ELFN2: variants seen among roughly 807,000 people sequenced by gnomAD.
The protein encoded by ELFN2 is extracellular leucine rich repeat and fibronectin type III domain containing 2.
ELFN2 carries 17 observed loss-of-function variants against 45.5 expected under a neutral mutation model. That is an observed-to-expected ratio of 0.37 (90% CI 0.26 to 0.56). The LOEUF (loss-of-function observed/expected upper bound fraction) is 0.56. ELFN2 is among the 20% of genes least tolerant of loss of function. ELFN2 has a pLI of 0.77. For missense variants in ELFN2, 922 were observed against 1,183.2 expected, an observed-to-expected ratio of 0.78 and a Z score of 3.24; for synonymous variants, 550 against 551.5, an observed-to-expected ratio of 1.00 and a Z score of 0.04.
intron 1 of ELFN2, among the ~76,000 whole-genome samples, chr22:37,424,118 C>T (rs541450297): frequency 3.3e-5 from 5 of 152,110 alleles, no homozygotes; most frequent in East Asian, 3.8e-4. Flanking sequence ...GTGGGGGCAC[C>T]GAGAGAGGAG....
At chr22:37,364,962 C>T (rs930505789), downstream of ELFN2, among the ~76,000 whole-genome samples, 1 of 152,216 alleles carries the variant, frequency 6.6e-6, no homozygotes, top group East Asian at 1.9e-4. Context: ...TGCTTCCGGG[C>T]TGTGACAAAA....
At chr22:37,379,458 G>A (rs1931686698) in intron 2 of ELFN2, among the ~76,000 whole-genome samples, 1 of 152,158 alleles carries the variant, frequency 6.6e-6, no homozygotes, top group Non-Finnish European at 1.5e-5. Flanking sequence ...AAAGAGCAGG[G>A]CTCCCGTGCC....
At position 37,375,083 on chromosome 22, in the gene ELFN2, G is replaced by C. The variant is rs1253813389; in HGVS notation, c.452C>G (p.Pro151Arg). 2 of 1,613,424 alleles carry C rather than the reference G, an allele frequency of 1.2e-6. No homozygotes were observed. The highest frequency in any genetic ancestry group is 1.7e-5 in the Admixed American group (1 of 59,998). The stretch of plus-strand genomic sequence containing the variant: ...GGACAGGTCGATGCTGATGAGGCTC[G>C]GGCACTCGGAGAAGGCGGTGGGCGT... ...VVTPTAFSEC[P>R]SLISIDLSSN... The change falls in exon 3 of 3, where the codon CCG becomes CGG. Residue 151 changes from proline to arginine, a missense_variant. Physicochemically the swap from Pro to Arg is moderately radical, Grantham distance 103. Transcript: ENST00000402918.
intron 2 of ELFN2, among the ~76,000 whole-genome samples, chr22:37,393,485 A>AC (rs1206568996): frequency 3.3e-5 from 5 of 151,808 alleles, no homozygotes; most frequent in Non-Finnish European, 7.4e-5. Context: ...GACAACTGAC[A>AC]CCCCCCACCA....
At chr22:37,346,183 T>C (rs1010754019) in intron 1 of ELFN2, among the ~76,000 whole-genome samples, 3 of 152,362 alleles carry the variant, frequency 2.0e-5, no homozygotes, top group Admixed American at 6.5e-5. Flanking sequence ...ACATCACGCC[T>C]GGGTTTATAG....
At position 37,372,967 on chromosome 22, in the gene ELFN2, T is replaced by C; in HGVS notation, c.*105A>G. The C allele has an allele frequency of 1.5e-6, 2 of 1,346,064 alleles. No individual in the cohort carries two copies. Among genetic ancestry groups the C allele is most frequent in the Non-Finnish European group, 2.0e-6 (2 of 1,007,620 alleles). The allele number at this position is 1,346,064 out of a possible 1,614,324, so 83.4% of individuals were successfully genotyped here. On this transcript the variant is annotated 3_prime_UTR_variant, in exon 3 of 3. Coordinates refer to ENST00000402918, the MANE Select transcript of ELFN2 (RefSeq NM_052906.5). The surrounding 1 kb of genome is among the most constrained non-coding windows in gnomAD (Gnocchi z 4.4). ...GCGGGTCTGCATGTGCGTCCTCTCC[T>C]GGGCCTTGGCCCCCGAGTCTGCTCC...
intron 2 of ELFN2, among the ~76,000 whole-genome samples, chr22:37,376,268 T>C (rs1362495704): frequency 2.0e-5 from 3 of 151,932 alleles, no homozygotes; most frequent in African/African-American, 4.8e-5. Flanking sequence ...GAAGGGACAC[T>C]GGAGAGAACA....
intron 2 of ELFN2, among the ~76,000 whole-genome samples, chr22:37,380,059 C>T (rs190128164): frequency 6.6e-6 from 1 of 152,366 alleles, no homozygotes; most frequent in Admixed American, 6.5e-5. Flanking sequence ...TGGACTCAGG[C>T]TTGCTGAACC....
At chr22:37,354,713 C>A (rs921445751) in intron 1 of ELFN2, 1 of 151,598 alleles carries the variant, frequency 6.6e-6, no homozygotes, top group Non-Finnish European at 1.5e-5. Flanking sequence ...GGGGTTCTCA[C>A]CCTTGTTACA....
chr22:37,379,331 G>A (rs1167378993), intron 2 of ELFN2, among the ~76,000 whole-genome samples: 2 of 152,148 alleles, frequency 1.3e-5, no homozygotes, highest in Admixed American at 6.5e-5. Context: ...AGGGAGAGGG[G>A]AGCAGTGGAA....
At chr22:37,363,224 G>T (rs1931128079), downstream of ELFN2, among the ~76,000 whole-genome samples, 1 of 152,130 alleles carries the variant, frequency 6.6e-6, no homozygotes, top group Admixed American at 6.5e-5. Flanking sequence ...ATTAGTTACA[G>T]AGAATTCTGT....
chr22:37,403,084 G>A (rs1932405623), intron 2 of ELFN2, among the ~76,000 whole-genome samples: 1 of 152,040 alleles, frequency 6.6e-6, no homozygotes, highest in African/African-American at 2.4e-5. Flanking sequence ...GTTACTACCA[G>A]CTACATCTTC....
intron 2 of ELFN2, among the ~76,000 whole-genome samples, chr22:37,341,519 G>A (rs1930560172): frequency 6.6e-6 from 1 of 152,190 alleles, no homozygotes; most frequent in African/African-American, 2.4e-5. Flanking sequence ...GTGCTGTGCG[G>A]CCCTGGGCAA....
At position 37,373,330 on chromosome 22, in the gene ELFN2, G is replaced by A. The variant is rs1362278897; in HGVS notation, c.2205C>T (p.Thr735=). ...AGTAGGTGGAGTCACGCTTGGAGCG[G>A]GTCAGCGGCTTGAGGAAGGACACGC... is the stretch of plus-strand genomic sequence containing the variant. The part of the protein sequence containing the change: ...SQRVSFLKPL[T]RSKRDSTYSQ... Residue 735 remains threonine, a synonymous_variant, in exon 3 of 3, where the codon ACC becomes ACT. Coordinates refer to ENST00000402918, the MANE Select transcript of ELFN2 (RefSeq NM_052906.5). 1 of 1,613,650 alleles carries A rather than the reference G, an allele frequency of 6.2e-7. No individual in the cohort carries two copies. The highest frequency in any genetic ancestry group is 1.7e-5 in the Admixed American group (1 of 60,018).
At chr22:37,396,653 C>T (rs754515467) in intron 2 of ELFN2, among the ~76,000 whole-genome samples, 4 of 152,132 alleles carry the variant, frequency 2.6e-5, no homozygotes, top group South Asian at 2.1e-4. Flanking sequence ...CCCTTCCAGG[C>T]GCCCCCTTCC....
At chr22:37,362,013 T>C (rs550202883) in intron 1 of ELFN2, among the ~76,000 whole-genome samples, 1 of 152,298 alleles carries the variant, frequency 6.6e-6, no homozygotes, top group South Asian at 2.1e-4. Context: ...TCATCTCTCA[T>C]GCCTAGGAGT....
At chr22:37,359,075 AG>A (rs1931017916) in intron 1 of ELFN2, among the ~76,000 whole-genome samples, 1 of 152,118 alleles carries the variant, frequency 6.6e-6, no homozygotes. Context: ...GAGTGCACTA[AG>A]TAGGGAATCA....
intron 2 of ELFN2, among the ~76,000 whole-genome samples, chr22:37,415,593 TACGATGCC>T (rs1932751813): frequency 6.6e-6 from 1 of 152,144 alleles, no homozygotes; most frequent in Non-Finnish European, 1.5e-5. Context: ...TGGGGAAAGG[TACGATGCC>T]ACAGAACTCT....
At chr22:37,352,805 T>G (rs897808107) in intron 1 of ELFN2, among the ~76,000 whole-genome samples, 1 of 150,846 alleles carries the variant, frequency 6.6e-6, no homozygotes, top group Admixed American at 6.6e-5. Context: ...TGATGCATTC[T>G]AAATGCAAGA....
Sources: allele counts gnomAD v4.1 joint callset (sites outside exome capture counted in the v4.1 genomes callset), GRCh38; gene constraint gnomAD v4.1.1; non-coding constraint Gnocchi (gnomAD v3.1); transcripts MANE v1.5; gene names NCBI Gene and HGNC (gene_info 2026-07-23, HGNC 2026-07-21).